The following MYO3A variants were observed in gnomAD, a reference collection of about 807,000 sequenced individuals.
MYO3A encodes myosin IIIA.
Under a neutral mutation model 192.7 loss-of-function variants are expected in MYO3A, and 180 were observed. That is an observed-to-expected ratio of 0.93 (90% CI 0.83 to 1.06). MYO3A has a LOEUF of 1.06. MYO3A is among the 50% of genes least tolerant of loss of function. The pLI, the probability that MYO3A is intolerant of heterozygous loss-of-function variation, is 0.00. For synonymous variants in MYO3A, 628 were observed against 645.3 expected (o/e 0.97, Z 0.41); for missense variants, 1,896 against 1,905.0 (o/e 1.00, Z 0.09).
chr10:25,976,821 G>A (rs1382574768), intron 4 of MYO3A, among the ~76,000 whole-genome samples: 1 of 151,816 alleles, frequency 6.6e-6, no homozygotes, highest in East Asian at 1.9e-4. Flanking sequence ...AGTCTATCTT[G>A]GTGATTTAAA....
chr10:26,138,429 C>T (rs1157411204), intron 20 of MYO3A, among the ~76,000 whole-genome samples: 1 of 152,162 alleles, frequency 6.6e-6, no homozygotes, highest in African/African-American at 2.4e-5. Flanking sequence ...AATCTGACTT[C>T]TAACAATGTT....
chr10:26,005,687 GTGTATATATA>G (rs1245927644), intron 6 of MYO3A, among the ~76,000 whole-genome samples: 3 of 152,028 alleles, frequency 2.0e-5, no homozygotes. Context: ...ATGTGTATAT[GTGTATATATA>G]TGTATATATG....
chr10:25,980,003 A>C (rs1318078855), intron 4 of MYO3A, among the ~76,000 whole-genome samples: 1 of 152,164 alleles, frequency 6.6e-6, no homozygotes, highest in Non-Finnish European at 1.5e-5. Context: ...TTGGGAGGCC[A>C]AGGCGGGTGG....
At chr10:25,977,960 T>C (rs1174313853) in intron 4 of MYO3A, among the ~76,000 whole-genome samples, 1 of 152,186 alleles carries the variant, frequency 6.6e-6, no homozygotes, top group Middle Eastern at 3.2e-3. Flanking sequence ...TTTGCAATTT[T>C]ATATAGTTTT....
At chr10:26,188,319 G>A (rs867608219) in intron 31 of MYO3A, among the ~76,000 whole-genome samples, 112 of 152,104 alleles carry the variant, frequency 7.4e-4, no homozygotes, top group African/African-American at 2.6e-3. Context: ...CATATCCTTC[G>A]CCCACTTTTT....
In MYO3A at chr10:26,157,370, A is replaced by C. The variant is rs767552680; in HGVS notation, c.2854A>C (p.Ile952Leu). Residue 952 changes from isoleucine (I) to leucine (L), a missense_variant, in exon 26 of 35, where the codon ATC becomes CTC. Transcript: ENST00000642920. ...GGGCCAACCTCATTTTGTCCGTTGCATCAAACCAAATAGTGAGCGTCAGGC... is the reference window on the plus strand; with the variant it reads ...GGGCCAACCTCATTTTGTCCGTTGCCTCAAACCAAATAGTGAGCGTCAGGC... ...VVGQPHFVRC[I>L]KPNSERQARK... 21 of 1,614,036 alleles carry C rather than the reference A, an allele frequency of 1.3e-5. No homozygotes were observed. The highest frequency in any genetic ancestry group is 1.8e-5 in the Non-Finnish European group (21 of 1,180,014).
chr10:26,051,685 C>T (rs1226856885), intron 10 of MYO3A, among the ~76,000 whole-genome samples: 1 of 151,574 alleles, frequency 6.6e-6, no homozygotes, highest in African/African-American at 2.4e-5. Flanking sequence ...TCCCCCACTT[C>T]AGACTCCTCT....
At chr10:26,157,824 T>A (rs1320231392) in intron 26 of MYO3A, among the ~76,000 whole-genome samples, 1 of 152,190 alleles carries the variant, frequency 6.6e-6, no homozygotes. Context: ...CCTATACCAC[T>A]GATTCTCAGC....
At chr10:26,180,251 G>A (rs1428834485) in intron 31 of MYO3A, among the ~76,000 whole-genome samples, 1 of 151,976 alleles carries the variant, frequency 6.6e-6, no homozygotes, top group Non-Finnish European at 1.5e-5. Flanking sequence ...CATATCAAAA[G>A]ATCAAAAAAA....
At chr10:25,955,328 A>G (rs1837474600) in intron 4 of MYO3A, among the ~76,000 whole-genome samples, 1 of 152,172 alleles carries the variant, frequency 6.6e-6, no homozygotes, top group Non-Finnish European at 1.5e-5. Flanking sequence ...TTTCATTAAC[A>G]TGTGATAAGC....
intron 27 of MYO3A, 98 bp downstream of exon 27, chr10:26,166,276 G>A (rs931265740): frequency 6.5e-6 from 7 of 1,081,186 alleles, no homozygotes; most frequent in Admixed American, 3.6e-5. Flanking sequence ...GTTTTTTTAT[G>A]TTATAGAATC....
At position 26,024,091 on chromosome 10, in the gene MYO3A, A is replaced by G; in HGVS notation, c.797+4A>G. The stretch of plus-strand genomic sequence containing the variant: ...AATTCAATGACTTCATAAGCAAGTG[A>G]GTAAAAACAGTCTTTTAAAAAACCA... On this transcript the variant is annotated splice_donor_region_variant and intron_variant, in intron 9 of 34. Coordinates refer to ENST00000642920, the MANE Select transcript of MYO3A (RefSeq NM_017433.5). The G allele has an allele frequency of 1.2e-6, 2 of 1,610,900 alleles. No homozygotes were observed. The highest frequency in any genetic ancestry group is 1.7e-4 in the Middle Eastern group (1 of 6,048).
chr10:26,141,170 G>T (rs961122302), intron 20 of MYO3A, among the ~76,000 whole-genome samples: 1 of 152,036 alleles, frequency 6.6e-6, no homozygotes, highest in African/African-American at 2.4e-5. Flanking sequence ...CTCGTGATCT[G>T]CCTGCCTCAG....
chr10:26,048,332 A>G (rs1236858042), intron 10 of MYO3A, among the ~76,000 whole-genome samples: 1 of 151,568 alleles, frequency 6.6e-6, no homozygotes, highest in Non-Finnish European at 1.5e-5. Context: ...GTTAGGTAGT[A>G]TACATTTATA....
intron 4 of MYO3A, among the ~76,000 whole-genome samples, chr10:25,992,807 C>T (rs1411935044): frequency 2.0e-5 from 3 of 152,060 alleles, no homozygotes; most frequent in Non-Finnish European, 2.9e-5. Flanking sequence ...TGCTGGATTA[C>T]GTTTATTGGT....
chr10:26,051,803 G>C (rs1195426974), intron 10 of MYO3A, among the ~76,000 whole-genome samples: 1 of 151,890 alleles, frequency 6.6e-6, no homozygotes, highest in African/African-American at 2.4e-5. Context: ...ACACAGCTAT[G>C]CTTATCCATT....
chr10:26,203,545 A>G (rs1479266126), intron 34 of MYO3A, among the ~76,000 whole-genome samples: 1 of 152,216 alleles, frequency 6.6e-6, no homozygotes, highest in Non-Finnish European at 1.5e-5. Flanking sequence ...ATTTGAGAGA[A>G]AGATTCATAG....
At chr10:26,159,269 C>T (rs1841348499) in intron 26 of MYO3A, among the ~76,000 whole-genome samples, 2 of 151,566 alleles carry the variant, frequency 1.3e-5, no homozygotes, top group South Asian at 4.2e-4. Context: ...GAATTCCAGG[C>T]ATGAGCCACT....
At chr10:26,167,299 T>TA (rs113880655) in intron 27 of MYO3A, among the ~76,000 whole-genome samples, 19,394 of 151,526 alleles carry the variant, frequency 0.13, 1,417 homozygotes, top group African/African-American at 0.19. Context: ...TTAAGAGATT[T>TA]AAAAAAAAAG....
Sources: gnomAD v4.1 joint callset for allele counts (sites outside exome capture counted in the v4.1 genomes callset) on GRCh38, gnomAD v4.1.1 for gene constraint, MANE v1.5 for transcripts, NCBI Gene and HGNC (gene_info 2026-07-23, HGNC 2026-07-21) for gene names.